The following SLC30A10 variants were observed in gnomAD, a reference collection of about 807,000 sequenced individuals.
The protein encoded by SLC30A10 is solute carrier family 30 member 10.
Under a neutral mutation model 21.7 loss-of-function variants are expected in SLC30A10, and 8 were observed. The observed-to-expected ratio is 0.37, with a 90% CI of 0.22 to 0.67. SLC30A10 has a LOEUF of 0.67. Ranked by LOEUF, SLC30A10 falls within the 30% of genes least tolerant of loss-of-function variation. SLC30A10 has a pLI of 0.58. For missense variants in SLC30A10, 521 were observed against 642.5 expected, an observed-to-expected ratio of 0.81 and a Z score of 2.04; for synonymous variants, 272 against 279.4, an observed-to-expected ratio of 0.97 and a Z score of 0.26.
intron 1 of SLC30A10, among the ~76,000 whole-genome samples, chr1:219,948,863 T>C (rs1252201826): frequency 6.6e-6 from 1 of 152,112 alleles, no homozygotes; most frequent in Non-Finnish European, 1.5e-5. Context: ...AACCTACTCA[T>C]GTGACAAAGG....
upstream of SLC30A10, among the ~76,000 whole-genome samples, chr1:219,930,102 AG>A (rs1659944718): frequency 6.6e-6 from 1 of 152,086 alleles, no homozygotes; most frequent in Non-Finnish European, 1.5e-5. Context: ...CCATTCCTGA[AG>A]AATACACATG....
chr1:219,934,565 AG>A (rs1660021697), intron 1 of SLC30A10, among the ~76,000 whole-genome samples: 2 of 152,240 alleles, frequency 1.3e-5, no homozygotes, highest in Non-Finnish European at 2.9e-5. Flanking sequence ...GGATGTAAAA[AG>A]ATGACATCAA....
chr1:219,922,162 G>GTGTGTGTGTC (rs1311392832), intron 2 of SLC30A10, among the ~76,000 whole-genome samples: 160 of 13,710 alleles, frequency 0.012, 5 homozygotes, highest in Non-Finnish European at 0.015. Flanking sequence ...TCTTGTTTGT[G>GTGTGTGTGTC]TGTGTGTGTG....
chr1:219,943,488 C>A (rs998735840), intron 1 of SLC30A10, among the ~76,000 whole-genome samples: 1 of 152,130 alleles, frequency 6.6e-6, no homozygotes, highest in African/African-American at 2.4e-5. Context: ...CAGAGGAGAC[C>A]TGCTCAAACA....
chr1:219,942,781 C>T (rs1316947755), intron 1 of SLC30A10, among the ~76,000 whole-genome samples: 4 of 152,200 alleles, frequency 2.6e-5, no homozygotes, highest in African/African-American at 9.6e-5. Context: ...CAAGGTGGCT[C>T]ATGCCTGAAT....
intron 1 of SLC30A10, among the ~76,000 whole-genome samples, chr1:219,944,664 A>G (rs144463589): frequency 6.6e-6 from 1 of 152,222 alleles, no homozygotes; most frequent in Non-Finnish European, 1.5e-5. Context: ...AAGTATTGAC[A>G]GCATTAGCCA....
At chr1:219,927,287 T>C (rs1659850567) in intron 1 of SLC30A10, 182 bp from the exon 2 acceptor site, 1 of 626,210 alleles carries the variant, frequency 1.6e-6, no homozygotes, top group Non-Finnish European at 2.8e-6. Context: ...GATCCACCTT[T>C]GGACTTCATT....
chr1:219,944,413 A>T (rs866810318), intron 1 of SLC30A10, among the ~76,000 whole-genome samples: 14 of 152,250 alleles, frequency 9.2e-5, no homozygotes, highest in Middle Eastern at 3.4e-3. Flanking sequence ...GCGCCACTGC[A>T]GTCCAGCCTG....
At chr1:219,946,562 T>G (rs1002358171) in intron 1 of SLC30A10, among the ~76,000 whole-genome samples, 1 of 152,152 alleles carries the variant, frequency 6.6e-6, no homozygotes, top group Non-Finnish European at 1.5e-5. Context: ...CCAGTCCCCA[T>G]GTAAGTAGTC....
chr1:219,951,663 G>C (rs1660273625), intron 1 of SLC30A10, among the ~76,000 whole-genome samples: 1 of 151,808 alleles, frequency 6.6e-6, no homozygotes, highest in African/African-American at 2.4e-5. Context: ...GGAGCTTGCA[G>C]TGAGCCAAGA....
chr1:219,918,466 G>A lies in SLC30A10; in HGVS notation c.747C>T (p.Ala249=), dbSNP rs1029407486. 1 of 1,608,058 alleles carries A rather than the reference G, an allele frequency of 6.2e-7. No individual in the cohort carries two copies. The highest frequency in any genetic ancestry group is 1.3e-5 in the African/African-American group (1 of 74,756). The change falls in exon 3 of 4, where the codon GCC becomes GCT. Residue 249 remains alanine, a synonymous_variant. Transcript: ENST00000366926. The surrounding 1 kb of genome is among the most constrained non-coding windows in gnomAD (Gnocchi z 4.4). The part of the protein sequence containing the change: ...RGVLLHVMGD[A]LGSVVVVITA... The stretch of plus-strand genomic sequence containing the variant: ...TGATGACCACAACCACGGACCCCAG[G>A]GCATCTCCCATCACATGCAAAAGTA...
chr1:219,917,708 CTTTT>C (rs35106027), intron 3 of SLC30A10, among the ~76,000 whole-genome samples: 1 of 104,094 alleles, frequency 9.6e-6, no homozygotes, highest in African/African-American at 4.1e-5. Context: ...TTTTTCTTTC[CTTTT>C]TTTTTTTTTT....
In SLC30A10 at chr1:219,911,963, A is replaced by G. The variant is rs1659423843; in HGVS notation, c.*3486T>C. Among the ~76,000 whole-genome samples the G allele has an allele frequency of 6.6e-6, 1 of 152,116 alleles. No individual in the cohort carries two copies. Among genetic ancestry groups the G allele is most frequent in the South Asian group, 2.1e-4 (1 of 4,818 alleles). On this transcript the variant is annotated 3_prime_UTR_variant, in exon 4 of 4. Transcript: ENST00000366926. The stretch of plus-strand genomic sequence containing the variant: ...AGTACACAACCCACACATCAGGAGC[A>G]AGAACACATCCAATTCAAAATGTCA...
intron 1 of SLC30A10, among the ~76,000 whole-genome samples, chr1:219,948,793 C>A (rs368401280): frequency 0.054 from 8,144 of 151,784 alleles, 510 homozygotes; most frequent in African/African-American, 0.16. Context: ...GCTTCTGCAC[C>A]GCAAAAGAAA....
At chr1:219,949,265 C>T (rs1660234806) in intron 1 of SLC30A10, among the ~76,000 whole-genome samples, 1 of 151,754 alleles carries the variant, frequency 6.6e-6, no homozygotes, top group Non-Finnish European at 1.5e-5. Context: ...GGGTATATAC[C>T]CAAAGGACTA....
intron 1 of SLC30A10, among the ~76,000 whole-genome samples, chr1:219,953,952 C>T (rs558513763): frequency 1.2e-4 from 18 of 151,550 alleles, no homozygotes; most frequent in African/African-American, 3.9e-4. Context: ...ATGATCTGCC[C>T]GCCTCAGCCT....
Position 219,927,092 on chromosome 1 carries a change from G to A in SLC30A10, c.654C>T (p.Asn218=), listed in dbSNP as rs764373431. The change falls in exon 2 of 4, where the codon AAC becomes AAT. Residue 218 remains asparagine, a synonymous_variant. Coordinates refer to ENST00000366926, the MANE Select transcript of SLC30A10 (RefSeq NM_018713.3). ...VFANVAGDSF[N]TQNEPEDMMK... The stretch of plus-strand genomic sequence containing the variant: ...TCATGTCTTCTGGCTCATTCTGGGT[G>A]TTGAAGGAATCACCTGCATTCAAAG... The A allele has an allele frequency of 8.7e-6, 14 of 1,613,784 alleles. No homozygotes were observed. The South Asian group carries it at 1.2e-4, about 14-fold the overall frequency.
At chr1:219,952,741 C>A (rs1290905230) in intron 1 of SLC30A10, among the ~76,000 whole-genome samples, 1 of 152,148 alleles carries the variant, frequency 6.6e-6, no homozygotes, top group Non-Finnish European at 1.5e-5. Context: ...AATATAAACT[C>A]ATTTTTCATT....
intron 1 of SLC30A10, among the ~76,000 whole-genome samples, chr1:219,939,297 A>C (rs758047005): frequency 6.6e-6 from 1 of 152,236 alleles, no homozygotes; most frequent in African/African-American, 2.4e-5. Flanking sequence ...CCAGGCAGCT[A>C]TTAAAAGCTA....
Sources: gnomAD v4.1 joint callset for allele counts (sites outside exome capture counted in the v4.1 genomes callset) on GRCh38, gnomAD v4.1.1 for gene constraint, Gnocchi (gnomAD v3.1) non-coding constraint, MANE v1.5 for transcripts, NCBI Gene and HGNC (gene_info 2026-07-23, HGNC 2026-07-21) for gene names.